ABCG5: variants seen among roughly 807,000 people sequenced by gnomAD.
ABCG5 encodes ATP-binding cassette sub-family G member 5.
Under a neutral mutation model 64.5 loss-of-function variants are expected in ABCG5, and 64 were observed. That is an observed-to-expected ratio of 0.99 (90% CI 0.81 to 1.22). ABCG5 has a LOEUF of 1.22. ABCG5 is among the 50% of genes most tolerant of loss of function. The probability of loss-of-function intolerance (pLI) is 0.00; values close to 1 mark genes in which losing one functional copy is unlikely to be tolerated. For missense variants in ABCG5, 908 were observed against 829.5 expected (o/e 1.09, Z -1.16); for synonymous variants, 385 against 326.3 (o/e 1.18, Z -1.94).
chr2:43,832,180 A>G (rs1464297844), intron 2 of ABCG5, 97 bp from the exon 3 acceptor site: 1 of 1,513,890 alleles, frequency 6.6e-7, no homozygotes, highest in Admixed American at 2.0e-5. Context: ...CCCGCGGGCC[A>G]TGAGTGCTAC....
chr2:43,822,476 A>ACCC (rs756829510), intron 10 of ABCG5: 11 of 298,814 alleles, frequency 3.7e-5, no homozygotes, highest in Middle Eastern at 1.9e-3. Flanking sequence ...CCCCTCCCCC[A>ACCC]GGCCCCCCCC....
chr2:43,813,393 T>C (rs1572736031), intron 12 of ABCG5, 84 bp from the exon 13 acceptor site: 1 of 946,566 alleles, frequency 1.1e-6, no homozygotes, highest in East Asian at 2.6e-5. Flanking sequence ...GCTTGCTAAG[T>C]ACCCTTAATG....
At chr2:43,827,325 CAAAAA>C (rs1174987300) in intron 5 of ABCG5, among the ~76,000 whole-genome samples, 1 of 112,236 alleles carries the variant, frequency 8.9e-6, no homozygotes. Flanking sequence ...AACTCTGTCT[CAAAAA>C]AAAAAAAAAA....
At chr2:43,810,570 C>G, downstream of ABCG5, 1 of 950,252 alleles carries the variant, frequency 1.1e-6, no homozygotes, top group Non-Finnish European at 1.3e-6. Context: ...CTATGTTCTT[C>G]CATGTCCACA....
At chr2:43,827,244 C>T (rs541157128) in intron 5 of ABCG5, among the ~76,000 whole-genome samples, 1 of 150,672 alleles carries the variant, frequency 6.6e-6, no homozygotes, top group Non-Finnish European at 1.5e-5. Flanking sequence ...AGAATCGCTT[C>T]AACCTGGGAG....
At chr2:43,820,851 G>C (rs1488529539) in intron 10 of ABCG5, among the ~76,000 whole-genome samples, 1 of 151,966 alleles carries the variant, frequency 6.6e-6, no homozygotes, top group Non-Finnish European at 1.5e-5. Context: ...ATGGGGTTTT[G>C]CCATATTGGC....
At position 43,812,939 on chromosome 2, in the gene ABCG5, C is replaced by G; in HGVS notation, c.*177G>C. ...AGTTGTAAGAGCAAGGGACTATAAA[C>G]CACTTCCATTGCATTCAAGGCCTGC... On this transcript the variant is annotated 3_prime_UTR_variant, in exon 13 of 13. Coordinates refer to ENST00000405322, the MANE Select transcript of ABCG5 (RefSeq NM_022436.3). 1 of 617,154 alleles carries G rather than the reference C, an allele frequency of 1.6e-6. No homozygotes were observed. The highest frequency in any genetic ancestry group is 1.9e-5 in the South Asian group (1 of 51,986). 38.2% of individuals were successfully genotyped at this position (617,154 alleles called of 1,614,324 possible).
chr2:43,826,773 C>T (rs1348136332), intron 5 of ABCG5, among the ~76,000 whole-genome samples: 1 of 152,184 alleles, frequency 6.6e-6, no homozygotes, highest in Non-Finnish European at 1.5e-5. Flanking sequence ...GAGATCAGGC[C>T]TCTTACGGGC....
At chr2:43,822,982 G>GA (rs1382484800) in intron 9 of ABCG5, 47 bp from the exon 10 acceptor site, 2 of 1,608,622 alleles carry the variant, frequency 1.2e-6, no homozygotes, top group Non-Finnish European at 1.7e-6. Context: ...CCACCCAGCT[G>GA]AAAAAGGGAG....
At chr2:43,806,797 G>A in the ABCG5 span, among the ~76,000 whole-genome samples, 1 of 152,062 alleles carries the variant, frequency 6.6e-6, no homozygotes, top group Non-Finnish European at 1.5e-5. Flanking sequence ...ATTTTGTGTG[G>A]AAAAGGAAGG....
chr2:43,837,888 C>T lies in ABCG5; in HGVS notation c.211G>A (p.Asp71Asn), dbSNP rs767291426. 2 of 1,614,150 alleles carry T rather than the reference C, an allele frequency of 1.2e-6. No individual in the cohort carries two copies. The highest frequency in any genetic ancestry group is 4.5e-5 in the East Asian group (2 of 44,884). The change falls in exon 2 of 13, where the codon GAT becomes AAT. Residue 71 changes from aspartate (D) to asparagine (N), a missense_variant. Physicochemically the swap from Asp to Asn is conservative, Grantham distance 23 (BLOSUM62 1). Transcript: ENST00000405322. ...CCGCTCTCCACGTACAAGGAGACAT[C>T]TTTGAGGATCTGCCTGGTCCACTGC... Reference protein sequence around the residue: ...RQQWTRQILKDVSLYVESGQI... With the variant: ...RQQWTRQILKNVSLYVESGQI...
rs545738797 is a variant in ABCG5 at position 43,815,306 on chromosome 2, C to A, written c.1650-717G>T. On this transcript the variant is annotated intron_variant, in intron 11 of 12. Coordinates refer to ENST00000405322, the MANE Select transcript of ABCG5 (RefSeq NM_022436.3). ...TCAATCAAAAGGTATAAAATTCTTT[C>A]TGTTTGCAAGGCACTAGTTCTAGGA... 2.0e-5 allele frequency among the ~76,000 whole-genome samples: 3 copies of A among 152,318 alleles called. No individual in the cohort carries two copies. In the South Asian group the frequency reaches 6.2e-4, roughly 32 times the overall value.
chr2:43,834,925 T>C (rs185647576), intron 2 of ABCG5, among the ~76,000 whole-genome samples: 1 of 152,364 alleles, frequency 6.6e-6, no homozygotes, highest in African/African-American at 2.4e-5. Context: ...ATAATACTGC[T>C]TGAGATAAGA....
rs1192067868 is a variant in ABCG5 at position 43,827,973 on chromosome 2, T to A, written c.634+10A>T. 1 of 1,613,796 alleles carries A rather than the reference T, an allele frequency of 6.2e-7. No individual in the cohort carries two copies. On this transcript the variant is annotated intron_variant, in intron 5 of 12. Transcript: ENST00000405322. The stretch of plus-strand genomic sequence containing the variant: ...GACAGCAGCTAGTAACAGTTCTGGG[T>A]GCCACTTACTAGGATCCTGGAGCAG...
chr2:43,833,264 C>A (rs1440338598), intron 2 of ABCG5, among the ~76,000 whole-genome samples: 1 of 151,990 alleles, frequency 6.6e-6, no homozygotes, highest in African/African-American at 2.4e-5. Flanking sequence ...GGACTCATAA[C>A]AGAGAAATAG....
intron 2 of ABCG5, among the ~76,000 whole-genome samples, chr2:43,836,394 A>G (rs182878397): frequency 7.9e-5 from 12 of 152,328 alleles, no homozygotes; most frequent in Non-Finnish European, 1.2e-4. Context: ...TCCATTGAAG[A>G]GAATAACACA....
rs114168953 is a variant in ABCG5 at position 43,826,809 on chromosome 2, T to C, written c.635-288A>G. ...CATCTGGGCTCTGCTCAGGGCACCC[T>C]GTCAGGGAACAAGGGCTGGCAGGCT... On this transcript the variant is annotated intron_variant, in intron 5 of 12. Coordinates refer to ENST00000405322, the MANE Select transcript of ABCG5 (RefSeq NM_022436.3). Among the ~76,000 whole-genome samples, 1,100 of 152,306 alleles carry C rather than the reference T, an allele frequency of 7.2e-3. 23 individuals carry two copies. The highest frequency in any genetic ancestry group is 0.026 in the African/African-American group (1,066 of 41,578).
intron 12 of ABCG5, among the ~76,000 whole-genome samples, 155 bp from the exon 13 acceptor site, chr2:43,813,464 G>A (rs1666593571): frequency 6.6e-6 from 1 of 152,136 alleles, no homozygotes; most frequent in Non-Finnish European, 1.5e-5. Context: ...AGAGTGAGCA[G>A]TTCTGGCCTT....
intron 4 of ABCG5, 29 bp downstream of exon 4, chr2:43,831,740 G>A: frequency 5.2e-6 from 8 of 1,551,884 alleles, no homozygotes; most frequent in Middle Eastern, 2.1e-4. Flanking sequence ...TACTCAGTTT[G>A]CCCTCTGTGA....
Sources: gnomAD v4.1 joint callset for allele counts (sites outside exome capture counted in the v4.1 genomes callset) on GRCh38, gnomAD v4.1.1 for gene constraint, MANE v1.5 for transcripts, NCBI Gene and HGNC (gene_info 2026-07-23, HGNC 2026-07-21) for gene names.